The following WDR64 variants were observed in gnomAD, a reference collection of about 807,000 sequenced individuals.
WDR64 encodes the protein WD repeat-containing protein 64.
A neutral mutation model predicts 139.3 loss-of-function variants in WDR64; 112 were observed. The ratio of observed to expected loss-of-function variants is 0.80; its 90% CI spans 0.69 to 0.94. The LOEUF (loss-of-function observed/expected upper bound fraction) is 0.94, where lower values mean the gene tolerates loss of function less well. Among genes scored for constraint, WDR64 ranks in the 40% least tolerant of loss-of-function variants. The pLI is 0.00. For missense variants in WDR64, 1,206 were observed against 1,293.1 expected (o/e 0.93, Z 1.03); for synonymous variants, 444 against 437.7 (o/e 1.01, Z -0.18).
At chr1:241,791,697 C>G (rs1034409844) in intron 25 of WDR64, among the ~76,000 whole-genome samples, 1 of 151,710 alleles carries the variant, frequency 6.6e-6, no homozygotes, top group Non-Finnish European at 1.5e-5. Flanking sequence ...GAAAAAACAA[C>G]GAAAGATTAA....
chr1:241,715,865 GT>G (rs751468828), intron 9 of WDR64, among the ~76,000 whole-genome samples: 30 of 152,068 alleles, frequency 2.0e-4, no homozygotes, highest in Non-Finnish European at 3.7e-4. Flanking sequence ...CCACTTCAGT[GT>G]TTTTGGATTA....
chr1:241,781,784 A>G (rs970926984), intron 22 of WDR64, among the ~76,000 whole-genome samples: 15 of 93,140 alleles, frequency 1.6e-4, no homozygotes, highest in Non-Finnish European at 2.7e-4. Context: ...GCAGTAGAAC[A>G]GAATAGATCA....
At chr1:241,720,742 T>G (rs1668578918) in intron 9 of WDR64, among the ~76,000 whole-genome samples, 1 of 152,230 alleles carries the variant, frequency 6.6e-6, no homozygotes, top group African/African-American at 2.4e-5. Flanking sequence ...TCTCCCATTC[T>G]GTAGGTTGTC....
At chr1:241,784,827 G>A (rs1169879695) in intron 23 of WDR64, among the ~76,000 whole-genome samples, 3 of 150,622 alleles carry the variant, frequency 2.0e-5, no homozygotes, top group African/African-American at 7.3e-5. Flanking sequence ...GGTGGCATGA[G>A]CCTGTAATCC....
chr1:241,723,549 T>C (rs1042474840), intron 10 of WDR64, 113 bp downstream of exon 10: 9 of 1,205,846 alleles, frequency 7.5e-6, no homozygotes, highest in Non-Finnish European at 1.0e-5. Flanking sequence ...ATTGAATCAT[T>C]GAGAAAAATA....
chr1:241,766,546 C>T (rs1248469943), intron 16 of WDR64, among the ~76,000 whole-genome samples, 195 bp downstream of exon 16: 1 of 152,068 alleles, frequency 6.6e-6, no homozygotes, highest in Non-Finnish European at 1.5e-5. Context: ...ACTAAAAATA[C>T]AAAAAGTAGC....
intron 10 of WDR64, among the ~76,000 whole-genome samples, chr1:241,724,972 A>G (rs1322010906): frequency 6.6e-6 from 1 of 152,116 alleles, no homozygotes; most frequent in Non-Finnish European, 1.5e-5. Flanking sequence ...GGTCAATCCC[A>G]TATTTGCCCT....
intron 9 of WDR64, among the ~76,000 whole-genome samples, chr1:241,719,497 T>G (rs1226987304): frequency 1.3e-5 from 2 of 152,090 alleles, no homozygotes; most frequent in African/African-American, 4.8e-5. Flanking sequence ...ACTTGATGGA[T>G]GGATTGGGAT....
intron 10 of WDR64, among the ~76,000 whole-genome samples, chr1:241,735,853 C>CTGTGTG: frequency 1.1e-5 from 1 of 91,286 alleles, no homozygotes; most frequent in Non-Finnish European, 2.2e-5. Context: ...CTCTCTCTCT[C>CTGTGTG]TCTGTGTGTG....
intron 26 of WDR64, among the ~76,000 whole-genome samples, chr1:241,795,835 A>G (rs1250851079): frequency 6.6e-6 from 1 of 152,226 alleles, no homozygotes; most frequent in Non-Finnish European, 1.5e-5. Flanking sequence ...GAGACCAAAT[A>G]TTTCAAATTA....
At chr1:241,790,506 C>T in intron 24 of WDR64, 85 bp from the exon 25 acceptor site, 4 of 1,121,376 alleles carry the variant, frequency 3.6e-6, no homozygotes, top group Non-Finnish European at 5.2e-6. Flanking sequence ...ATGTGGGCAC[C>T]AGAGAAGGAC....
intron 10 of WDR64, among the ~76,000 whole-genome samples, chr1:241,738,105 AT>A (rs1669394349): frequency 6.6e-6 from 1 of 152,204 alleles, no homozygotes; most frequent in Non-Finnish European, 1.5e-5. Context: ...TTCCTTCCCT[AT>A]AATGATAGAA....
intron 8 of WDR64, among the ~76,000 whole-genome samples, chr1:241,696,588 T>A (rs1667497374): frequency 6.6e-6 from 1 of 152,196 alleles, no homozygotes; most frequent in East Asian, 1.9e-4. Context: ...TTCCTGGAAC[T>A]GAGGGTTTCT....
At chr1:241,755,561 T>G (rs1670156279) in intron 14 of WDR64, among the ~76,000 whole-genome samples, 1 of 152,268 alleles carries the variant, frequency 6.6e-6, no homozygotes, top group African/African-American at 2.4e-5. Context: ...CTCTTTAGTT[T>G]AATTAGATCT....
chr1:241,693,214 G>T (rs551406018), intron 8 of WDR64, among the ~76,000 whole-genome samples: 1 of 152,234 alleles, frequency 6.6e-6, no homozygotes, highest in Non-Finnish European at 1.5e-5. Context: ...CCAGATGATG[G>T]AATATTAGTC....
chr1:241,745,621 T>C (rs1669728787), intron 13 of WDR64, among the ~76,000 whole-genome samples: 1 of 144,608 alleles, frequency 6.9e-6, no homozygotes, highest in Admixed American at 6.7e-5. Context: ...TATTTTATTG[T>C]GTTTATTTAT....
chr1:241,791,927 A>G (rs1321229176), intron 25 of WDR64, among the ~76,000 whole-genome samples: 1 of 152,246 alleles, frequency 6.6e-6, no homozygotes, highest in Admixed American at 6.5e-5. Context: ...AGAAAAGTGT[A>G]CTGCTGTTCA....
chr1:241,729,564 C>T (rs1472171725), intron 10 of WDR64, among the ~76,000 whole-genome samples: 1 of 152,192 alleles, frequency 6.6e-6, no homozygotes, highest in Non-Finnish European at 1.5e-5. Context: ...TTTGTGCATT[C>T]CCGTCTTTGT....
rs774907461 is a variant in WDR64 at position 241,787,990 on chromosome 1, A to G, written c.2847A>G (p.Thr949=). 8.7e-6 allele frequency: 14 copies of G among 1,603,386 alleles called. No homozygotes were observed. The East Asian group carries it at 2.9e-4, about 33-fold the overall frequency. Residue 949 remains threonine, a synonymous_variant, in exon 24 of 28, where the codon ACA becomes ACG. Transcript: ENST00000437684. ...PIEIKEESKF[T]EKQKYEYPLI... ...AAATAAAAGAAGAAAGCAAGTTCACAGAGAAGCAAAAATATGAATATCCTC... is the reference window on the plus strand; with the variant it reads ...AAATAAAAGAAGAAAGCAAGTTCACGGAGAAGCAAAAATATGAATATCCTC...
Sources: allele counts gnomAD v4.1 joint callset (sites outside exome capture counted in the v4.1 genomes callset), GRCh38; gene constraint gnomAD v4.1.1; transcripts MANE v1.5; gene names NCBI Gene and HGNC (gene_info 2026-07-23, HGNC 2026-07-21).